The following JMJD1C variants were observed in gnomAD, a reference collection of about 807,000 sequenced individuals.
The protein encoded by JMJD1C is jumonji domain-containing protein 1C.
In JMJD1C, 31 loss-of-function variants were observed where a neutral mutation model predicts 245.3. The observed-to-expected ratio is 0.13, with a 90% CI of 0.09 to 0.17. The LOEUF is 0.17. JMJD1C is among the 10% of genes least tolerant of loss of function. The probability of loss-of-function intolerance (pLI) is 1.00; values close to 1 mark genes in which losing one functional copy is unlikely to be tolerated. For synonymous variants in JMJD1C, 1,057 were observed against 1,017.4 expected (o/e 1.04, Z -0.74); for missense variants, 2,691 against 3,000.2 (o/e 0.90, Z 2.41).
intron 1 of JMJD1C, among the ~76,000 whole-genome samples, chr10:63,460,802 C>T (rs1179605545): frequency 6.6e-6 from 1 of 152,096 alleles, no homozygotes; most frequent in African/African-American, 2.4e-5. Flanking sequence ...AACATTTTTA[C>T]TTTCACATGC....
chr10:63,262,406 T>C (rs982463924), intron 3 of JMJD1C, among the ~76,000 whole-genome samples: 5 of 152,184 alleles, frequency 3.3e-5, no homozygotes, highest in Non-Finnish European at 7.4e-5. Context: ...TAAATGTCTA[T>C]CATTTACACA....
intron 1 of JMJD1C, among the ~76,000 whole-genome samples, chr10:63,387,605 G>C (rs1012171728): frequency 8.1e-6 from 1 of 124,188 alleles, no homozygotes; most frequent in Non-Finnish European, 1.7e-5. Context: ...AAATAACCCA[G>C]TCAGAAGAAA....
chr10:63,289,897 C>T (rs1418980974), intron 2 of JMJD1C, among the ~76,000 whole-genome samples: 1 of 151,896 alleles, frequency 6.6e-6, no homozygotes, highest in African/African-American at 2.4e-5. Flanking sequence ...TCCAAGATGA[C>T]TGTACCCATG....
chr10:63,454,777 T>A lies in JMJD1C; in HGVS notation c.168+10718A>T, dbSNP rs74232950. 2.2e-4 allele frequency among the ~76,000 whole-genome samples: 34 copies of A among 152,346 alleles called. No individual in the cohort carries two copies. In the East Asian group the frequency reaches 6.2e-3, roughly 28 times the overall value. Reference sequence around the variant, plus strand: ...TGCCACACATTAGTGGCTACCATACTGAAAAGCACAGCTCTGTAATTCCCC... The same window carrying A: ...TGCCACACATTAGTGGCTACCATACAGAAAAGCACAGCTCTGTAATTCCCC... On this transcript the variant is annotated intron_variant, in intron 1 of 25. Coordinates refer to ENST00000399262, the MANE Select transcript of JMJD1C (RefSeq NM_032776.3).
At chr10:63,182,308 CAA>C (rs1843586473) in intron 22 of JMJD1C, among the ~76,000 whole-genome samples, 1 of 152,168 alleles carries the variant, frequency 6.6e-6, no homozygotes, top group Non-Finnish European at 1.5e-5. Flanking sequence ...GAACTATATT[CAA>C]AGAGGTTGTG....
chr10:63,396,871 A>C (rs767181042), intron 1 of JMJD1C, among the ~76,000 whole-genome samples: 2 of 151,132 alleles, frequency 1.3e-5, no homozygotes, highest in Non-Finnish European at 3.0e-5. Context: ...AGTTTCATAG[A>C]AATTTTCATT....
intron 14 of JMJD1C, 98 bp from the exon 15 acceptor site, chr10:63,193,570 C>T (rs748775952): frequency 1.1e-5 from 8 of 734,648 alleles, no homozygotes; most frequent in South Asian, 5.1e-5. Context: ...TTGGGAATAA[C>T]GGAGGTTTTC....
At chr10:63,261,583 G>GAAA (rs1267118665) in intron 3 of JMJD1C, among the ~76,000 whole-genome samples, 1 of 151,776 alleles carries the variant, frequency 6.6e-6, no homozygotes, top group South Asian at 2.1e-4. Context: ...AGAAGAAGAA[G>GAAA]AAAAAAAGCT....
At chr10:63,276,924 G>T (rs1231698797) in intron 2 of JMJD1C, among the ~76,000 whole-genome samples, 2 of 112,630 alleles carry the variant, frequency 1.8e-5, no homozygotes, top group East Asian at 5.0e-4. Flanking sequence ...TCGCTCTGTC[G>T]CCCAGGCTGG....
chr10:63,404,294 G>T (rs2132613736), intron 1 of JMJD1C, among the ~76,000 whole-genome samples: 1 of 152,204 alleles, frequency 6.6e-6, no homozygotes, highest in Non-Finnish European at 1.5e-5. Context: ...AGATAAATTG[G>T]CCAGTCTCAT....
At chr10:63,275,025 G>A (rs530355152) in intron 2 of JMJD1C, among the ~76,000 whole-genome samples, 10 of 152,028 alleles carry the variant, frequency 6.6e-5, no homozygotes, top group South Asian at 4.1e-4. Flanking sequence ...GCAAGATGCT[G>A]TCTCTAAAAA....
intron 1 of JMJD1C, among the ~76,000 whole-genome samples, chr10:63,403,793 G>A (rs1007962424): frequency 4.6e-5 from 7 of 152,094 alleles, no homozygotes; most frequent in South Asian, 2.1e-4. Context: ...CAAAAAGGCC[G>A]GGCGTGGTGG....
chr10:63,463,901 CCTTA>C (rs765457536), intron 1 of JMJD1C, among the ~76,000 whole-genome samples: 77 of 152,222 alleles, frequency 5.1e-4, no homozygotes, highest in Non-Finnish European at 8.1e-4. Context: ...CAGCTTAATA[CCTTA>C]CTAACATATG....
At chr10:63,401,972 T>C (rs1948884532) in intron 1 of JMJD1C, among the ~76,000 whole-genome samples, 1 of 151,858 alleles carries the variant, frequency 6.6e-6, no homozygotes, top group Non-Finnish European at 1.5e-5. Flanking sequence ...CCATCTCTAC[T>C]AAAAATACAA....
At chr10:63,267,321 T>G (rs1855705586) in intron 2 of JMJD1C, among the ~76,000 whole-genome samples, 1 of 152,202 alleles carries the variant, frequency 6.6e-6, no homozygotes, top group East Asian at 1.9e-4. Flanking sequence ...CCGGTTTTTT[T>G]AACTGGCAAA....
Position 63,168,587 on chromosome 10 carries a change from G to A in JMJD1C, c.7402-21C>T, listed in dbSNP as rs200089221. 1.0e-3 allele frequency: 1,540 copies of A among 1,547,702 alleles called. 6 individuals are homozygous for A. Among genetic ancestry groups the A allele is most frequent in the South Asian group, 2.3e-3 (184 of 79,646 alleles). ...TGAACCTATCCCCAAAAGAAAAACC[G>A]TGAAATACAAGTTTTAGGAGGTGGA... On this transcript the variant is annotated intron_variant, in intron 24 of 25. Transcript: ENST00000399262.
intron 3 of JMJD1C, among the ~76,000 whole-genome samples, chr10:63,234,903 T>C (rs915552668): frequency 6.6e-6 from 1 of 152,186 alleles, no homozygotes; most frequent in Non-Finnish European, 1.5e-5. Flanking sequence ...AATTCTGTAA[T>C]ACATTTTTTA....
At chr10:63,300,327 T>C (rs1373620329) in intron 2 of JMJD1C, among the ~76,000 whole-genome samples, 1 of 152,114 alleles carries the variant, frequency 6.6e-6, no homozygotes, top group Non-Finnish European at 1.5e-5. Context: ...AGATTAGAGA[T>C]GAAAATATTT....
chr10:63,336,571 TTAAAATC>T (rs1460075001), intron 2 of JMJD1C, among the ~76,000 whole-genome samples: 1 of 152,104 alleles, frequency 6.6e-6, no homozygotes, highest in African/African-American at 2.4e-5. Flanking sequence ...CTAGGATACT[TTAAAATC>T]TATAGAATAA....
Sources: gnomAD v4.1 joint callset for allele counts (sites outside exome capture counted in the v4.1 genomes callset) on GRCh38, gnomAD v4.1.1 for gene constraint, MANE v1.5 for transcripts, NCBI Gene and HGNC (gene_info 2026-07-23, HGNC 2026-07-21) for gene names.